The following ALKBH1 variants were observed in gnomAD, a reference collection of about 807,000 sequenced individuals.
ALKBH1 encodes nucleic acid dioxygenase ALKBH1.
ALKBH1 carries 31 observed loss-of-function variants against 36.6 expected under a neutral mutation model. The observed-to-expected ratio is 0.85, with a 90% CI of 0.64 to 1.14. The LOEUF is 1.14. Ranked by LOEUF, ALKBH1 falls within the 50% of genes most tolerant of loss-of-function variation. The pLI is 0.00. For synonymous variants in ALKBH1, 183 were observed against 186.6 expected (o/e 0.98, Z 0.16); for missense variants, 490 against 497.3 (o/e 0.99, Z 0.14).
At chr14:77,697,698 A>C (rs374781405) in intron 2 of ALKBH1, among the ~76,000 whole-genome samples, 1 of 44,422 alleles carries the variant, frequency 2.3e-5, no homozygotes, top group Admixed American at 1.9e-4. Flanking sequence ...TTGCTGTAAT[A>C]AAAAAAAAAA....
intron 3 of ALKBH1, among the ~76,000 whole-genome samples, chr14:77,692,642 T>C (rs1333965750): frequency 6.6e-6 from 1 of 151,990 alleles, no homozygotes; most frequent in Non-Finnish European, 1.5e-5. Flanking sequence ...ACCTTTACCA[T>C]CTGGCCCAAA....
At position 77,694,606 on chromosome 14, in the gene ALKBH1, T is replaced by C. The variant is rs927770333; in HGVS notation, c.455+132A>G. On this transcript the variant is annotated intron_variant, in intron 3 of 5. Transcript: ENST00000216489. The stretch of plus-strand genomic sequence containing the variant: ...GGAAAGAATACAATTGTGCTGTTTT[T>C]GCTTGGAAACAATGAAGGGAAAAAA... The C allele has an allele frequency of 1.8e-5, 11 of 607,980 alleles. No homozygotes were observed. The African/African-American group carries it at 2.1e-4, about 11-fold the overall frequency. 37.7% of individuals were successfully genotyped at this position (607,980 alleles called of 1,614,324 possible). A position where few individuals can be genotyped will look rare whatever the true frequency, so the allele number is the denominator to read the frequency against.
chr14:77,699,206 C>T (rs921922560), intron 2 of ALKBH1, among the ~76,000 whole-genome samples: 3 of 152,112 alleles, frequency 2.0e-5, no homozygotes, highest in Non-Finnish European at 4.4e-5. Context: ...CAAGTCCTGG[C>T]GTAGACTATT....
intron 2 of ALKBH1, among the ~76,000 whole-genome samples, chr14:77,698,529 C>A (rs992751730): frequency 6.6e-6 from 1 of 152,148 alleles, no homozygotes; most frequent in Non-Finnish European, 1.5e-5. Flanking sequence ...GGAATCCAAG[C>A]AATGATATAA....
At chr14:77,685,889 A>G (rs986619809) in intron 3 of ALKBH1, among the ~76,000 whole-genome samples, 2 of 152,216 alleles carry the variant, frequency 1.3e-5, no homozygotes, top group African/African-American at 4.8e-5. Flanking sequence ...CCTCATAACA[A>G]AAAGAAAAAT....
intron 2 of ALKBH1, among the ~76,000 whole-genome samples, chr14:77,699,840 G>A (rs1177039928): frequency 6.6e-6 from 1 of 152,138 alleles, no homozygotes; most frequent in Non-Finnish European, 1.5e-5. Flanking sequence ...GGATCACGAG[G>A]TCAGGAGATC....
At chr14:77,674,610 C>T (rs570372326) in intron 5 of ALKBH1, among the ~76,000 whole-genome samples, 6 of 152,124 alleles carry the variant, frequency 3.9e-5, no homozygotes, top group South Asian at 2.1e-4. Flanking sequence ...TGGAGTGCAG[C>T]GGCGCGATCT....
rs1209784795 is a variant in ALKBH1 at position 77,673,988 on chromosome 14, T to G, written c.994A>C (p.Ser332Arg). ...TTAACACGAGCGGTCTTCAAGTAGC[T>G]GGCACACACCTGCCAGTCCTCCATA... ...CSMEDWQVCA[S>R]YLKTARVNMT... The change falls in exon 6 of 6, where the codon AGC becomes CGC. Residue 332 changes from serine to arginine, a missense_variant. Physicochemically the swap from Ser to Arg is moderately radical, Grantham distance 110 (BLOSUM62 -1). Transcript: ENST00000216489. 6.2e-7 allele frequency: 1 copy of G among 1,614,186 alleles called. No individual in the cohort carries two copies. Among genetic ancestry groups the G allele is most frequent in the Admixed American group, 1.7e-5 (1 of 60,020 alleles).
chr14:77,674,026 A>G lies in ALKBH1; in HGVS notation c.956T>C (p.Val319Ala). 6.2e-7 allele frequency: 1 copy of G among 1,614,130 alleles called. No homozygotes were observed. The highest frequency in any genetic ancestry group is 8.5e-7 in the Non-Finnish European group (1 of 1,180,028). ...CCAGTCCTCCATAGAACAAGGCTCT[A>G]CCATTGAATCTCTCGGGAGGACAGC... ...LPAVLPRDSM[V>A]EPCSMEDWQV... is the part of the protein sequence containing the mutation. Residue 319 changes from valine (V) to alanine (A), a missense_variant, in exon 6 of 6, where the codon GTA becomes GCA. Val to Ala is a moderately conservative substitution (Grantham distance 64, BLOSUM62 0). Transcript: ENST00000216489.
At chr14:77,705,625 C>T (rs2080384935) in intron 1 of ALKBH1, among the ~76,000 whole-genome samples, 1 of 152,144 alleles carries the variant, frequency 6.6e-6, no homozygotes, top group African/African-American at 2.4e-5. Flanking sequence ...CTGAAGTTTT[C>T]TTTGTATGTG....
At chr14:77,691,943 T>A (rs1169522574) in intron 3 of ALKBH1, 3 of 152,200 alleles carry the variant, frequency 2.0e-5, no homozygotes, top group Admixed American at 2.0e-4. Context: ...TAAAAGCTCA[T>A]GGACAGGATT....
At chr14:77,706,097 A>C (rs2080388438) in intron 1 of ALKBH1, among the ~76,000 whole-genome samples, 1 of 116,522 alleles carries the variant, frequency 8.6e-6, no homozygotes, top group South Asian at 2.5e-4. Flanking sequence ...ACACATATAT[A>C]CACACACACA....
Position 77,684,912 on chromosome 14 carries a change from A to G in ALKBH1, c.456-4942T>C, listed in dbSNP as rs572340281. 2.6e-5 allele frequency among the ~76,000 whole-genome samples: 4 copies of G among 152,240 alleles called. No homozygotes were observed. In the South Asian group the frequency reaches 8.3e-4, roughly 32 times the overall value. On this transcript the variant is annotated intron_variant, in intron 3 of 5. Coordinates refer to ENST00000216489, the MANE Select transcript of ALKBH1 (RefSeq NM_006020.3). Reference sequence around the variant, plus strand: ...ACTGATCTGAAACAATAAACATAACAATAATGCTGCTTTGGAAATAATTCA... The same window carrying G: ...ACTGATCTGAAACAATAAACATAACGATAATGCTGCTTTGGAAATAATTCA...
At chr14:77,675,929 T>G (rs2080203021) in intron 4 of ALKBH1, 80 bp from the exon 5 acceptor site, 1 of 1,121,038 alleles carries the variant, frequency 8.9e-7, no homozygotes, top group Non-Finnish European at 1.3e-6. Context: ...ATTACCACTT[T>G]AAAATAATCT....
chr14:77,674,083 C>G lies in ALKBH1; in HGVS notation c.899G>C (p.Gly300Ala). The G allele has an allele frequency of 1.2e-6, 2 of 1,614,128 alleles. No homozygotes were observed. The highest frequency in any genetic ancestry group is 1.7e-6 in the Non-Finnish European group (2 of 1,180,018). ...PRVLPNPEGEGLPHCLEAPLP... is the reference protein window; with the variant it reads ...PRVLPNPEGEALPHCLEAPLP... ...AGGTGCCTCTAGGCAGTGAGGCAGG[C>G]CTTCCCCTTCTGGATTTGGAAGGAC... The change falls in exon 6 of 6, where the codon GGC (glycine) becomes GCC (alanine). Residue 300 changes from glycine (G) to alanine (A), a missense_variant. Transcript: ENST00000216489.
At chr14:77,707,474 T>A (rs966152947) in intron 1 of ALKBH1, among the ~76,000 whole-genome samples, 2 of 152,146 alleles carry the variant, frequency 1.3e-5, no homozygotes, top group African/African-American at 4.8e-5. Context: ...AGTGGTTTTT[T>A]TTAAGCTGCA....
intron 4 of ALKBH1, among the ~76,000 whole-genome samples, chr14:77,676,368 A>G (rs2080205968): frequency 6.6e-6 from 1 of 152,108 alleles, no homozygotes; most frequent in African/African-American, 2.4e-5. Flanking sequence ...GCACTGTGCT[A>G]TATACTGCAT....
Position 77,704,368 on chromosome 14 carries a change from C to G in ALKBH1, c.292+1G>C. The G allele has an allele frequency of 6.2e-7, 1 of 1,610,618 alleles. No individual in the cohort carries two copies. Among genetic ancestry groups the G allele is most frequent in the South Asian group, 1.1e-5 (1 of 91,006 alleles). ...CCTTCTCTGAGGTCAGTTACACTCA[C>G]CAGGATAGCCTTTGAGTCCATAGGC... On this transcript the variant is annotated splice_donor_variant, in intron 2 of 5. Coordinates refer to ENST00000216489, the MANE Select transcript of ALKBH1 (RefSeq NM_006020.3). LOFTEE classifies it high-confidence loss of function.
intron 1 of ALKBH1, among the ~76,000 whole-genome samples, chr14:77,707,420 TAACA>T (rs2080400690): frequency 6.6e-6 from 1 of 152,180 alleles, no homozygotes; most frequent in South Asian, 2.1e-4. Context: ...CACAGTGGCT[TAACA>T]AACAGCGCCG....
Sources: allele counts gnomAD v4.1 joint callset (sites outside exome capture counted in the v4.1 genomes callset), GRCh38; gene constraint gnomAD v4.1.1; transcripts MANE v1.5; gene names NCBI Gene and HGNC (gene_info 2026-07-23, HGNC 2026-07-21).